The following FAF1 variants were observed in gnomAD, a reference collection of about 807,000 sequenced individuals.
The protein encoded by FAF1 is FAS-associated factor 1.
In FAF1, 25 loss-of-function variants were observed where a neutral mutation model predicts 92.5. That is an observed-to-expected ratio of 0.27 (90% CI 0.20 to 0.38). FAF1 has a LOEUF of 0.38. Ranked by LOEUF, FAF1 falls within the 10% of genes least tolerant of loss-of-function variation. FAF1 has a pLI of 1.00. For synonymous variants in FAF1, 234 were observed against 273.2 expected, an observed-to-expected ratio of 0.86 and a Z score of 1.42; for missense variants, 636 against 793.3, an observed-to-expected ratio of 0.80 and a Z score of 2.38.
chr1:50,529,925 A>G (rs1648050796), intron 15 of FAF1, among the ~76,000 whole-genome samples: 1 of 152,188 alleles, frequency 6.6e-6, no homozygotes, highest in Non-Finnish European at 1.5e-5. Flanking sequence ...GGCCTCAGAA[A>G]GGAGAAAAAT....
chr1:50,496,999 A>C (rs537921611), intron 15 of FAF1, among the ~76,000 whole-genome samples: 2 of 152,266 alleles, frequency 1.3e-5, no homozygotes, highest in Non-Finnish European at 2.9e-5. Flanking sequence ...TACTTTAAGA[A>C]ATAATCATTG....
At chr1:50,745,532 T>C (rs895225656) in intron 4 of FAF1, among the ~76,000 whole-genome samples, 18 of 152,104 alleles carry the variant, frequency 1.2e-4, no homozygotes, top group Admixed American at 7.9e-4. Flanking sequence ...TTTCCCTCTT[T>C]GATGCTGTTC....
At chr1:50,654,511 G>A (rs116622504) in intron 8 of FAF1, among the ~76,000 whole-genome samples, 69 of 152,172 alleles carry the variant, frequency 4.5e-4, no homozygotes, top group Non-Finnish European at 9.0e-4. Context: ...GACAGAGATA[G>A]GAAAGGCTTC....
chr1:50,506,676 T>C (rs912431700), intron 15 of FAF1, among the ~76,000 whole-genome samples: 4 of 152,248 alleles, frequency 2.6e-5, no homozygotes, highest in African/African-American at 9.6e-5. Context: ...TAAGTTAATG[T>C]ATGGTTGATG....
At chr1:50,600,528 A>C (rs1298394657) in intron 8 of FAF1, among the ~76,000 whole-genome samples, 3 of 152,148 alleles carry the variant, frequency 2.0e-5, no homozygotes, top group African/African-American at 4.8e-5. Flanking sequence ...TACACACACA[A>C]AAAAATTAAA....
chr1:50,948,777 T>C (rs1353562922), intron 1 of FAF1, among the ~76,000 whole-genome samples: 2 of 152,072 alleles, frequency 1.3e-5, no homozygotes, highest in African/African-American at 4.8e-5. Flanking sequence ...CCACCGGCCT[T>C]GGCCTCCCAA....
chr1:50,655,468 A>G lies in FAF1; in HGVS notation c.718T>C (p.Trp240Arg). The G allele has an allele frequency of 6.2e-7, 1 of 1,613,842 alleles. No individual in the cohort carries two copies. The highest frequency in any genetic ancestry group is 8.5e-7 in the Non-Finnish European group (1 of 1,179,668). The change falls in exon 8 of 19, where the codon TGG becomes CGG. Residue 240 changes from tryptophan to arginine, a missense_variant. Trp to Arg is a moderately radical substitution (Grantham distance 101). Around this residue, in one of 2 missense-constraint regions of FAF1, gnomAD observed 317 missense variants for 342.4 expected, o/e 0.93. Transcript: ENST00000396153. ...GAGTCGTCTGTAGCAGAAGTTGGCC[A>G]GCCCTCCCATAATTGGTGGCGAACG... Reference protein sequence around the residue: ...IPVRHQLWEGWPTSATDDSMC... With the variant: ...IPVRHQLWEGRPTSATDDSMC...
intron 8 of FAF1, among the ~76,000 whole-genome samples, chr1:50,603,988 G>C (rs1379791085): frequency 6.6e-6 from 1 of 152,168 alleles, no homozygotes; most frequent in Non-Finnish European, 1.5e-5. Context: ...AGTTGGTAAA[G>C]TTTAATGAAA....
At position 50,592,761 on chromosome 1, in the gene FAF1, A is replaced by G. The variant is rs77963966; in HGVS notation, c.840+3360T>C. Among the ~76,000 whole-genome samples, 646 of 152,280 alleles carry G rather than the reference A, an allele frequency of 4.2e-3. 5 individuals carry two copies. The highest frequency in any genetic ancestry group is 0.014 in the Admixed American group (219 of 15,298). On this transcript the variant is annotated intron_variant, in intron 9 of 18. Transcript: ENST00000396153. Reference sequence around the variant, plus strand: ...TAAGGAGCTTAAAACCAGTTTGGCCAACATGGCAAAATCCTGTCTCTACTC... The same window carrying G: ...TAAGGAGCTTAAAACCAGTTTGGCCGACATGGCAAAATCCTGTCTCTACTC...
At chr1:50,601,204 G>A (rs895128268) in intron 8 of FAF1, among the ~76,000 whole-genome samples, 7 of 152,008 alleles carry the variant, frequency 4.6e-5, no homozygotes, top group African/African-American at 1.7e-4. Context: ...TATTCTTTAT[G>A]TTATTCTTCA....
At chr1:50,891,258 C>T (rs1231497498) in intron 1 of FAF1, among the ~76,000 whole-genome samples, 3 of 152,008 alleles carry the variant, frequency 2.0e-5, no homozygotes, top group East Asian at 1.9e-4. Flanking sequence ...GTTAGCCATT[C>T]GTCTATCTTT....
chr1:50,627,799 G>A (rs1335542644), intron 8 of FAF1, among the ~76,000 whole-genome samples: 1 of 151,828 alleles, frequency 6.6e-6, no homozygotes, highest in Non-Finnish European at 1.5e-5. Context: ...GTACATTCAT[G>A]ATTTGTGTAT....
At chr1:50,739,302 A>G (rs903559511) in intron 5 of FAF1, among the ~76,000 whole-genome samples, 1 of 152,000 alleles carries the variant, frequency 6.6e-6, no homozygotes, top group Admixed American at 6.6e-5. Flanking sequence ...ACATGTGTAC[A>G]CGTACATGCA....
Position 50,539,656 on chromosome 1 carries a change from C to G in FAF1, c.1341G>C (p.Gln447His), listed in dbSNP as rs777360225. 6.2e-7 allele frequency: 1 copy of G among 1,612,086 alleles called. No individual in the cohort carries two copies. Among genetic ancestry groups the G allele is most frequent in the Non-Finnish European group, 8.5e-7 (1 of 1,178,422 alleles). ...CCATAATAATCAGGAAAAGCGGAAA[C>G]TGATCCGTTTTTTGAGTCCGAATGG... is the stretch of plus-strand genomic sequence containing the variant. The part of the protein sequence containing the change: ...AQTIRTQKTD[Q>H]FPLFLIIMGK... The change falls in exon 14 of 19, where the codon CAG becomes CAC. Residue 447 changes from glutamine (Q) to histidine (H), a missense_variant. Coordinates refer to ENST00000396153, the MANE Select transcript of FAF1 (RefSeq NM_007051.3).
intron 1 of FAF1, among the ~76,000 whole-genome samples, chr1:50,897,439 A>C (rs1215885750): frequency 1.3e-5 from 2 of 152,226 alleles, no homozygotes; most frequent in Non-Finnish European, 2.9e-5. Flanking sequence ...TGAAAAAATA[A>C]ATGAATTTTT....
At chr1:50,727,347 C>A (rs1658701580) in intron 6 of FAF1, among the ~76,000 whole-genome samples, 1 of 152,176 alleles carries the variant, frequency 6.6e-6, no homozygotes, top group African/African-American at 2.4e-5. Flanking sequence ...CATTATATCC[C>A]TAGCACCTAG....
chr1:50,948,369 C>T (rs568713170), intron 1 of FAF1, among the ~76,000 whole-genome samples: 9 of 152,246 alleles, frequency 5.9e-5, no homozygotes, highest in Admixed American at 2.0e-4. Flanking sequence ...TGCCAGCATC[C>T]GCTAGCTTCT....
chr1:50,723,328 A>G (rs1658489353), intron 6 of FAF1, among the ~76,000 whole-genome samples: 1 of 151,428 alleles, frequency 6.6e-6, no homozygotes, highest in Non-Finnish European at 1.5e-5. Flanking sequence ...TTGAACCGGG[A>G]GGCAGAGGTT....
At chr1:50,622,198 A>G (rs973537513) in intron 8 of FAF1, among the ~76,000 whole-genome samples, 7 of 152,022 alleles carry the variant, frequency 4.6e-5, no homozygotes, top group African/African-American at 1.7e-4. Flanking sequence ...AAAAAAAGAA[A>G]GATTACCCTG....
Sources: gnomAD v4.1 joint callset for allele counts (sites outside exome capture counted in the v4.1 genomes callset) on GRCh38, gnomAD v4.1.1 for gene constraint, gnomAD v4.1.1 regional missense constraint, MANE v1.5 for transcripts, NCBI Gene and HGNC (gene_info 2026-07-23, HGNC 2026-07-21) for gene names.